Variants in PRLR observed in about 807,000 individuals in gnomAD.
PRLR encodes hPRL receptor.
Under a neutral mutation model 40.2 loss-of-function variants are expected in PRLR, and 13 were observed. The observed-to-expected ratio is 0.32, with a 90% CI of 0.21 to 0.51. The LOEUF (loss-of-function observed/expected upper bound fraction) is 0.51, where lower values mean the gene tolerates loss of function less well. Ranked by LOEUF, PRLR falls within the 20% of genes least tolerant of loss-of-function variation. The pLI, the probability that PRLR is intolerant of heterozygous loss-of-function variation, is 0.97. For synonymous variants in PRLR, 269 were observed against 278.7 expected, an observed-to-expected ratio of 0.97 and a Z score of 0.35; for missense variants, 656 against 747.3, an observed-to-expected ratio of 0.88 and a Z score of 1.42.
intron 1 of PRLR, among the ~76,000 whole-genome samples, chr5:35,209,044 A>G (rs1776098494): frequency 6.6e-6 from 1 of 152,150 alleles, no homozygotes; most frequent in South Asian, 2.1e-4. Context: ...ATTGACTATC[A>G]TATAACACTA....
At chr5:35,165,752 G>A (rs189934058) in intron 1 of PRLR, among the ~76,000 whole-genome samples, 4 of 152,284 alleles carry the variant, frequency 2.6e-5, no homozygotes, top group African/African-American at 9.6e-5. Context: ...TTATATGCCA[G>A]GGATAGTCTT....
intron 9 of PRLR, 104 bp from the exon 10 acceptor site, chr5:35,066,206 G>T: frequency 8.8e-7 from 1 of 1,136,338 alleles, no homozygotes; most frequent in South Asian, 1.6e-5. Flanking sequence ...CAGGTGGGAA[G>T]ATCTCAAACT....
chr5:35,098,391 T>C lies in PRLR; in HGVS notation c.-43-8728A>G, dbSNP rs548123469. Among the ~76,000 whole-genome samples the C allele has an allele frequency of 1.8e-4, 27 of 152,336 alleles. No individual in the cohort carries two copies. The South Asian group carries it at 5.4e-3, about 30-fold the overall frequency. On this transcript the variant is annotated intron_variant, in intron 2 of 9. Coordinates refer to ENST00000618457, the MANE Select transcript of PRLR (RefSeq NM_000949.7). ...TCTAGCAGAGCCACAGCCAATCTGCTGCTGACTCACAGTCCCCATGTAAAG... is the reference window on the plus strand; with the variant it reads ...TCTAGCAGAGCCACAGCCAATCTGCCGCTGACTCACAGTCCCCATGTAAAG...
chr5:35,148,267 C>A (rs770008032), intron 1 of PRLR, among the ~76,000 whole-genome samples: 7 of 152,108 alleles, frequency 4.6e-5, no homozygotes, highest in Non-Finnish European at 1.0e-4. Flanking sequence ...TTATTCCATA[C>A]AAACCAACAA....
rs148333909 is a variant in PRLR, at chr5:35,126,733, A to T, written c.-105-8611T>A. 5.4e-3 allele frequency among the ~76,000 whole-genome samples: 825 copies of T among 152,292 alleles called. 7 individuals carry two copies. The highest frequency in any genetic ancestry group is 0.019 in the African/African-American group (773 of 41,564). On this transcript the variant is annotated intron_variant, in intron 1 of 9. Transcript: ENST00000618457. ...CTACCTTTTGCTACCTTTTTGGATG[A>T]TTGTGAATGTACACAGTATCTAGGA...
chr5:35,135,090 G>A (rs1232940125), intron 1 of PRLR, among the ~76,000 whole-genome samples: 1 of 125,946 alleles, frequency 7.9e-6, no homozygotes, highest in Non-Finnish European at 1.6e-5. Flanking sequence ...AGAGATTTGT[G>A]TTTTTTTTTT....
chr5:35,193,721 C>T lies in PRLR; in HGVS notation c.-106+36547G>A, dbSNP rs921080112. Among the ~76,000 whole-genome samples, 8 of 152,136 alleles carry T rather than the reference C, an allele frequency of 5.3e-5. No homozygotes were observed. In the East Asian group the frequency reaches 5.8e-4, roughly 11 times the overall value. On this transcript the variant is annotated intron_variant, in intron 1 of 9. Coordinates refer to ENST00000618457, the MANE Select transcript of PRLR (RefSeq NM_000949.7). Reference sequence around the variant, plus strand: ...GCTATTGTTGCACAGATGTTCTCTCCGAACATCTGGAGGGCACAGCTGCCG... The same window carrying T: ...GCTATTGTTGCACAGATGTTCTCTCTGAACATCTGGAGGGCACAGCTGCCG...
chr5:35,193,910 C>T (rs558432879), intron 1 of PRLR, among the ~76,000 whole-genome samples: 17 of 152,270 alleles, frequency 1.1e-4, no homozygotes, highest in Non-Finnish European at 1.6e-4. Flanking sequence ...TTTTTTTAAA[C>T]TGGCATGTTA....
At chr5:35,087,189 A>G (rs1159181703) in intron 3 of PRLR, among the ~76,000 whole-genome samples, 1 of 151,892 alleles carries the variant, frequency 6.6e-6, no homozygotes, top group Non-Finnish European at 1.5e-5. Flanking sequence ...ATGGGGTTTC[A>G]CCATGTTGGT....
chr5:35,182,870 C>G (rs78929046), intron 1 of PRLR, among the ~76,000 whole-genome samples: 3 of 152,176 alleles, frequency 2.0e-5, no homozygotes, highest in African/African-American at 7.2e-5. Flanking sequence ...TATACTGCAA[C>G]CTTGTTAGCA....
intron 1 of PRLR, among the ~76,000 whole-genome samples, chr5:35,132,371 C>T (rs887915756): frequency 2.0e-5 from 3 of 151,986 alleles, no homozygotes; most frequent in Non-Finnish European, 4.4e-5. Flanking sequence ...ACCTTTCCAG[C>T]CCAAAGGAAA....
chr5:35,187,923 G>A (rs1271984642), intron 1 of PRLR, among the ~76,000 whole-genome samples: 1 of 152,158 alleles, frequency 6.6e-6, no homozygotes, highest in African/African-American at 2.4e-5. Flanking sequence ...GTCGGTCAGC[G>A]GCAAAGTCAG....
At chr5:35,130,654 A>G (rs1232390300) in intron 1 of PRLR, among the ~76,000 whole-genome samples, 1 of 152,212 alleles carries the variant, frequency 6.6e-6, no homozygotes, top group Admixed American at 6.5e-5. Flanking sequence ...AAACCTTCTC[A>G]TAATGTCATT....
intron 1 of PRLR, among the ~76,000 whole-genome samples, chr5:35,222,115 C>T (rs1214877428): frequency 1.3e-5 from 2 of 152,120 alleles, no homozygotes; most frequent in South Asian, 2.1e-4. Flanking sequence ...CCATCCTGGC[C>T]AACATGGTGA....
intron 2 of PRLR, among the ~76,000 whole-genome samples, chr5:35,105,507 A>G (rs1772179046): frequency 6.6e-6 from 1 of 152,178 alleles, no homozygotes; most frequent in Non-Finnish European, 1.5e-5. Context: ...GCTAACTAGA[A>G]TAAACAGTGT....
intron 1 of PRLR, among the ~76,000 whole-genome samples, chr5:35,119,933 A>G (rs1773227092): frequency 1.3e-5 from 2 of 152,094 alleles, no homozygotes; most frequent in Admixed American, 1.3e-4. Context: ...ACAAACACTT[A>G]TTGAGTGACA....
intron 5 of PRLR, among the ~76,000 whole-genome samples, chr5:35,076,439 G>T (rs1770103116): frequency 6.6e-6 from 1 of 152,138 alleles, no homozygotes; most frequent in South Asian, 2.1e-4. Context: ...GGAAGAAAGG[G>T]TATCAGTGAT....
At chr5:35,144,012 C>T (rs1437712720) in intron 1 of PRLR, among the ~76,000 whole-genome samples, 6 of 150,942 alleles carry the variant, frequency 4.0e-5, no homozygotes, top group Admixed American at 6.6e-5. Flanking sequence ...GTTCTGTAGA[C>T]ATTTTGCCTT....
chr5:35,138,958 G>T (rs1212469661), intron 1 of PRLR, among the ~76,000 whole-genome samples: 1 of 152,106 alleles, frequency 6.6e-6, no homozygotes, highest in Middle Eastern at 3.4e-3. Context: ...AGGGACTGAG[G>T]GGTAGGAGAA....
Sources: gnomAD v4.1 joint callset for allele counts (sites outside exome capture counted in the v4.1 genomes callset) on GRCh38, gnomAD v4.1.1 for gene constraint, MANE v1.5 for transcripts, NCBI Gene and HGNC (gene_info 2026-07-23, HGNC 2026-07-21) for gene names.